EYS: variants seen among roughly 807,000 people sequenced by gnomAD.
EYS encodes the protein EGF-like photoreceptor maintenance factor, also known as protein eyes shut homolog.
In EYS, 250 loss-of-function variants were observed where a neutral mutation model predicts 282.1. The observed-to-expected ratio is 0.89, with a 90% CI of 0.80 to 0.98. EYS has a LOEUF of 0.98. EYS is among the 50% of genes least tolerant of loss of function. The pLI, the probability that EYS is intolerant of heterozygous loss-of-function variation, is 0.00. For synonymous variants in EYS, 1,355 were observed against 1,282.9 expected (o/e 1.06, Z -1.20); for missense variants, 4,016 against 3,709.0 (o/e 1.08, Z -2.15).
chr6:64,617,560 A>C, intron 23 of EYS, 27 bp from the exon 24 acceptor site: 1 of 1,307,266 alleles, frequency 7.6e-7, no homozygotes, highest in Non-Finnish European at 1.1e-6. Context: ...CAAAGCAGAT[A>C]TGCAATTTTT....
intron 24 of EYS, 144 bp downstream of exon 24, chr6:64,617,274 A>C: frequency 1.6e-6 from 1 of 612,010 alleles, no homozygotes. Flanking sequence ...GAATGCCGAG[A>C]AAAGTGTAGC....
At chr6:65,180,917 T>A (rs2150233248) in intron 12 of EYS, among the ~76,000 whole-genome samples, 1 of 152,204 alleles carries the variant, frequency 6.6e-6, no homozygotes, top group East Asian at 1.9e-4. Flanking sequence ...TCTACAACCA[T>A]GTGATCTTTG....
chr6:64,967,597 C>A (rs1462178548), intron 14 of EYS, among the ~76,000 whole-genome samples: 3 of 152,128 alleles, frequency 2.0e-5, no homozygotes, highest in African/African-American at 7.2e-5. Context: ...GGATTACAGG[C>A]GTGAGCCACA....
chr6:63,869,463 A>G (rs1772748800), intron 35 of EYS, among the ~76,000 whole-genome samples: 1 of 152,190 alleles, frequency 6.6e-6, no homozygotes, highest in Admixed American at 6.5e-5. Context: ...CAGCAAGTGC[A>G]TCAGGATCTC....
At chr6:64,624,871 T>A (rs910841288) in intron 23 of EYS, among the ~76,000 whole-genome samples, 1 of 151,922 alleles carries the variant, frequency 6.6e-6, no homozygotes, top group Non-Finnish European at 1.5e-5. Flanking sequence ...ATAGGGACTA[T>A]TTTTTTTCTA....
At chr6:64,310,073 A>AC (rs375130374) in intron 29 of EYS, among the ~76,000 whole-genome samples, 1,816 of 128,496 alleles carry the variant, frequency 0.014, 40 homozygotes, top group African/African-American at 0.055. Context: ...AAAAAATAAA[A>AC]AAAAAAATAA....
At chr6:64,506,910 A>AAAAAAAAAAAC (rs1465113461) in intron 26 of EYS, among the ~76,000 whole-genome samples, 3 of 138,118 alleles carry the variant, frequency 2.2e-5, no homozygotes, top group Non-Finnish European at 1.5e-5. Flanking sequence ...CTGTGTCTTA[A>AAAAAAAAAAAC]AAAAAAAAAA....
chr6:65,046,149 C>A (rs373210663), intron 13 of EYS, among the ~76,000 whole-genome samples: 1 of 151,806 alleles, frequency 6.6e-6, no homozygotes, highest in Non-Finnish European at 1.5e-5. Context: ...CTGGACTACT[C>A]CAACTTTTTA....
At chr6:65,692,117 T>C (rs753501129) in intron 1 of EYS, among the ~76,000 whole-genome samples, 4 of 150,316 alleles carry the variant, frequency 2.7e-5, no homozygotes, top group African/African-American at 4.9e-5. Flanking sequence ...TAAAATTATG[T>C]CTTTTAGGTG....
chr6:65,484,137 CA>C (rs55699254), intron 5 of EYS, among the ~76,000 whole-genome samples: 30,693 of 144,204 alleles, frequency 0.21, 3,291 homozygotes, highest in Admixed American at 0.28. Context: ...CAAAATATTT[CA>C]AAAAAAAAAA....
At chr6:64,646,015 T>C (rs1238945670) in intron 22 of EYS, among the ~76,000 whole-genome samples, 5 of 152,184 alleles carry the variant, frequency 3.3e-5, no homozygotes, top group African/African-American at 1.2e-4. Flanking sequence ...GTTAACAAGT[T>C]TGAAATATTA....
chr6:63,797,841 G>A (rs1463467107), intron 37 of EYS: 1 of 152,144 alleles, frequency 6.6e-6, no homozygotes, highest in Non-Finnish European at 1.5e-5. Flanking sequence ...AGGGTTGATA[G>A]GAACAACAAA....
chr6:64,503,252 A>G (rs944712138), intron 26 of EYS, among the ~76,000 whole-genome samples: 3 of 152,170 alleles, frequency 2.0e-5, no homozygotes, highest in African/African-American at 7.2e-5. Flanking sequence ...CAGGTACACT[A>G]GCCAGTTCAA....
At chr6:65,456,720 TAAA>T (rs149063290) in intron 5 of EYS, among the ~76,000 whole-genome samples, 11 of 146,074 alleles carry the variant, frequency 7.5e-5, no homozygotes, top group African/African-American at 2.8e-4. Context: ...CCCTTCATGA[TAAA>T]AAAAAAAACC....
Position 64,254,961 on chromosome 6 carries a change from G to A in EYS, c.6192-24137C>T, listed in dbSNP as rs539251050. 6.6e-5 allele frequency among the ~76,000 whole-genome samples: 10 copies of A among 152,156 alleles called. No homozygotes were observed. The South Asian group carries it at 1.9e-3, about 28-fold the overall frequency. ...TTAAAGGAAATTTGATGTTAAAGAT[G>A]ACTTGACCTACCCAGAAAACAAATT... is the stretch of plus-strand genomic sequence containing the variant. On this transcript the variant is annotated intron_variant, in intron 30 of 42. Transcript: ENST00000503581.
At chr6:64,521,275 A>G (rs1386968087) in intron 26 of EYS, among the ~76,000 whole-genome samples, 1 of 151,804 alleles carries the variant, frequency 6.6e-6, no homozygotes, top group Non-Finnish European at 1.5e-5. Context: ...GATTTAAGCC[A>G]AATTTAATTT....
chr6:64,143,378 AAAAAG>A (rs1276205635), intron 31 of EYS, among the ~76,000 whole-genome samples: 4 of 150,886 alleles, frequency 2.7e-5, no homozygotes, highest in African/African-American at 7.4e-5. Context: ...AAAAAAAAAA[AAAAAG>A]TATCACTGTA....
chr6:65,010,968 T>C (rs544527463), intron 13 of EYS, among the ~76,000 whole-genome samples: 1 of 152,234 alleles, frequency 6.6e-6, no homozygotes, highest in African/African-American at 2.4e-5. Context: ...CAAGCGGATA[T>C]TGAAGCCAAA....
At chr6:64,160,130 G>T (rs1775058811) in intron 31 of EYS, among the ~76,000 whole-genome samples, 1 of 152,066 alleles carries the variant, frequency 6.6e-6, no homozygotes, top group African/African-American at 2.4e-5. Flanking sequence ...TCCAATCATT[G>T]TCCACTCAAT....
Sources: allele counts gnomAD v4.1 joint callset (sites outside exome capture counted in the v4.1 genomes callset), GRCh38; gene constraint gnomAD v4.1.1; transcripts MANE v1.5; gene names NCBI Gene and HGNC (gene_info 2026-07-23, HGNC 2026-07-21).